The following SLAIN2 variants were observed in gnomAD, a reference collection of about 807,000 sequenced individuals.
SLAIN2 encodes SLAIN family member 2.
A neutral mutation model predicts 56.6 loss-of-function variants in SLAIN2; 31 were observed. That is an observed-to-expected ratio of 0.55 (90% CI 0.41 to 0.74). The LOEUF is 0.74. SLAIN2 is among the 30% of genes least tolerant of loss of function. The pLI, the probability that SLAIN2 is intolerant of heterozygous loss-of-function variation, is 0.00. For missense variants in SLAIN2, 777 were observed against 754.2 expected (o/e 1.03, Z -0.35); for synonymous variants, 317 against 284.9 (o/e 1.11, Z -1.13).
chr4:48,408,530 CAAAAAA>C (rs3072283), intron 6 of SLAIN2, among the ~76,000 whole-genome samples: 5 of 109,004 alleles, frequency 4.6e-5, no homozygotes, highest in East Asian at 2.7e-4. Flanking sequence ...CCGTTTTTAG[CAAAAAA>C]AAAAAAAAAA....
intron 6 of SLAIN2, among the ~76,000 whole-genome samples, chr4:48,384,321 T>C (rs1716047846): frequency 6.6e-6 from 1 of 152,206 alleles, no homozygotes; most frequent in Non-Finnish European, 1.5e-5. Flanking sequence ...CCAGGAGAAC[T>C]CTTGGATGAT....
chr4:48,368,398 C>CAGTAGGGT (rs1483053403), intron 1 of SLAIN2, among the ~76,000 whole-genome samples: 3 of 152,028 alleles, frequency 2.0e-5, no homozygotes, highest in Non-Finnish European at 4.4e-5. Flanking sequence ...TCATAGCCAG[C>CAGTAGGGT]AGTAGGGTAA....
Position 48,383,705 on chromosome 4 carries a change from A to G in SLAIN2, c.1281A>G (p.Ser427=), listed in dbSNP as rs372772911. Residue 427 remains serine, a synonymous_variant, in exon 6 of 8, where the codon TCA becomes TCG. Transcript: ENST00000264313. ...GAACATCTAATACACAAGTTGACTC[A>G]GTGAAAAGCAGCAGAAGTGACTCAA... is the stretch of plus-strand genomic sequence containing the variant. ...LSRTSNTQVD[S]VKSSRSDSNF... is the part of the protein sequence containing the mutation. The G allele has an allele frequency of 7.9e-5, 128 of 1,610,646 alleles. No homozygotes were observed. The highest frequency in any genetic ancestry group is 1.1e-4 in the Non-Finnish European group (125 of 1,178,032).
intron 1 of SLAIN2, among the ~76,000 whole-genome samples, chr4:48,360,085 C>T (rs1180123059): frequency 2.0e-5 from 3 of 149,782 alleles, no homozygotes; most frequent in Admixed American, 1.3e-4. Flanking sequence ...ACCTGGGAGG[C>T]GGAGGTTGCA....
chr4:48,404,485 G>C (rs546342657), intron 6 of SLAIN2, among the ~76,000 whole-genome samples: 17 of 152,090 alleles, frequency 1.1e-4, no homozygotes, highest in Non-Finnish European at 2.2e-4. Flanking sequence ...TTCAAAACTA[G>C]CTTCTGACAT....
At position 48,425,967 on chromosome 4, in the gene SLAIN2, T is replaced by TA. The variant is rs913059046; in HGVS notation, c.*3897dup. The TA allele has an allele frequency of 2.0e-5, 3 of 152,218 alleles. No individual in the cohort carries two copies. The highest frequency in any genetic ancestry group is 2.4e-5 in the African/African-American group (1 of 41,562). The allele number at this position is 152,218 out of a possible 1,614,324, so 9.4% of individuals were successfully genotyped here. A position where few individuals can be genotyped will look rare whatever the true frequency, so the allele number is the denominator to read the frequency against. On this transcript the variant is annotated 3_prime_UTR_variant, in exon 8 of 8. Coordinates refer to ENST00000264313, the MANE Select transcript of SLAIN2 (RefSeq NM_020846.2). ...CTTAATGTTTTCTCTTTAAAAGAAATAAAAAAATCTGTTTCTTCTGATTTC... is the reference window on the plus strand; with the variant it reads ...CTTAATGTTTTCTCTTTAAAAGAAATAAAAAAAATCTGTTTCTTCTGATTTC...
chr4:48,391,257 A>G (rs1560460486), intron 6 of SLAIN2, among the ~76,000 whole-genome samples: 2 of 152,184 alleles, frequency 1.3e-5, no homozygotes, highest in Admixed American at 1.3e-4. Context: ...ATTGCTACCA[A>G]CTTTCTCTTG....
intron 6 of SLAIN2, among the ~76,000 whole-genome samples, chr4:48,391,718 G>C (rs1716239826): frequency 6.6e-6 from 1 of 152,106 alleles, no homozygotes; most frequent in Non-Finnish European, 1.5e-5. Flanking sequence ...TGTGATGAAG[G>C]CCTGAATTTG....
chr4:48,377,336 ATTT>A (rs34493417), intron 2 of SLAIN2, among the ~76,000 whole-genome samples: 24 of 117,500 alleles, frequency 2.0e-4, no homozygotes, highest in Non-Finnish European at 3.4e-5. Context: ...TGCCTGGCTA[ATTT>A]TTTTTTTTTT....
chr4:48,393,386 T>TTGTGTGTG (rs57142552), intron 6 of SLAIN2, among the ~76,000 whole-genome samples: 59,168 of 134,910 alleles, frequency 0.44, 13,207 homozygotes, highest in African/African-American at 0.49. Context: ...CATGTCTGGC[T>TTGTGTGTG]TGTGTGTGTG....
intron 6 of SLAIN2, among the ~76,000 whole-genome samples, chr4:48,411,077 G>A (rs1362237180): frequency 7.2e-5 from 11 of 152,006 alleles, no homozygotes; most frequent in Non-Finnish European, 1.3e-4. Context: ...GTGTTTTTTC[G>A]TCGTTGTTGT....
At chr4:48,370,931 T>TA (rs1157972011) in intron 2 of SLAIN2, among the ~76,000 whole-genome samples, 2 of 152,112 alleles carry the variant, frequency 1.3e-5, no homozygotes, top group African/African-American at 4.8e-5. Flanking sequence ...AGGGGACAGT[T>TA]AAAGTGGCAT....
At chr4:48,380,683 A>G (rs1046569479) in intron 4 of SLAIN2, among the ~76,000 whole-genome samples, 3 of 152,186 alleles carry the variant, frequency 2.0e-5, no homozygotes, top group Admixed American at 6.5e-5. Flanking sequence ...CTGCATAACT[A>G]TGAAGTAAGA....
chr4:48,390,869 A>G (rs780119634), intron 6 of SLAIN2, among the ~76,000 whole-genome samples: 1 of 152,220 alleles, frequency 6.6e-6, no homozygotes, highest in Non-Finnish European at 1.5e-5. Context: ...GAAGAACACT[A>G]TCTTTAAATT....
chr4:48,366,863 T>A (rs535076069), intron 1 of SLAIN2, among the ~76,000 whole-genome samples: 21 of 152,296 alleles, frequency 1.4e-4, no homozygotes, highest in African/African-American at 4.6e-4. Context: ...TCAACCTGTT[T>A]TAGGTTGCAT....
At chr4:48,376,250 T>G (rs1715806015) in intron 2 of SLAIN2, among the ~76,000 whole-genome samples, 1 of 152,142 alleles carries the variant, frequency 6.6e-6, no homozygotes, top group African/African-American at 2.4e-5. Flanking sequence ...GCTCAGGATT[T>G]CGAAACCAGC....
At chr4:48,418,595 A>G (rs1295109884) in intron 6 of SLAIN2, among the ~76,000 whole-genome samples, 1 of 152,154 alleles carries the variant, frequency 6.6e-6, no homozygotes, top group African/African-American at 2.4e-5. Context: ...TGTAAACAAT[A>G]TTGATCCGAA....
chr4:48,401,238 G>A (rs1716546063), intron 6 of SLAIN2, among the ~76,000 whole-genome samples: 1 of 152,184 alleles, frequency 6.6e-6, no homozygotes, highest in African/African-American at 2.4e-5. Flanking sequence ...GTGATCAGAA[G>A]AACGTATATT....
At chr4:48,364,867 C>A (rs1349198395) in intron 1 of SLAIN2, among the ~76,000 whole-genome samples, 2 of 56,904 alleles carry the variant, frequency 3.5e-5, no homozygotes, top group African/African-American at 1.5e-4. Flanking sequence ...GAGACGGAGA[C>A]GGGAGAGGGA....
Sources: allele counts gnomAD v4.1 joint callset (sites outside exome capture counted in the v4.1 genomes callset), GRCh38; gene constraint gnomAD v4.1.1; transcripts MANE v1.5; gene names NCBI Gene and HGNC (gene_info 2026-07-23, HGNC 2026-07-21).